The following FHIT variants were observed in gnomAD, a reference collection of about 807,000 sequenced individuals.
FHIT encodes bis(5'-adenosyl)-triphosphatase.
Under a neutral mutation model 17.9 loss-of-function variants are expected in FHIT, and 19 were observed. The observed-to-expected ratio is 1.06, with a 90% confidence interval of 0.74 to 1.56. The LOEUF (loss-of-function observed/expected upper bound fraction) is 1.56. Ranked by LOEUF, FHIT falls within the 40% of genes most tolerant of loss-of-function variation. The pLI is 0.00. For synonymous variants in FHIT, 81 were observed against 69.7 expected (o/e 1.16, Z -0.81); for missense variants, 248 against 189.2 (o/e 1.31, Z -1.82).
intron 3 of FHIT, among the ~76,000 whole-genome samples, chr3:60,965,993 G>A (rs1553783196): frequency 6.6e-6 from 1 of 152,332 alleles, no homozygotes. Flanking sequence ...TAAGTCTGCA[G>A]AAGTTTCTGC....
At chr3:60,454,371 T>C (rs942228036) in intron 5 of FHIT, among the ~76,000 whole-genome samples, 5 of 151,998 alleles carry the variant, frequency 3.3e-5, no homozygotes, top group African/African-American at 7.3e-5. Context: ...AAAGTCATTA[T>C]TTTTTAACCA....
intron 8 of FHIT, among the ~76,000 whole-genome samples, chr3:59,855,762 T>C (rs895418992): frequency 1.3e-5 from 2 of 151,614 alleles, no homozygotes; most frequent in Non-Finnish European, 1.5e-5. Flanking sequence ...TTTGATAAAA[T>C]AATTAATAGA....
intron 3 of FHIT, among the ~76,000 whole-genome samples, chr3:60,919,008 A>G (rs928817066): frequency 2.6e-5 from 4 of 152,186 alleles, no homozygotes; most frequent in Non-Finnish European, 5.9e-5. Context: ...GAGTTGCTTT[A>G]ATGGCAGTCA....
intron 5 of FHIT, among the ~76,000 whole-genome samples, chr3:60,040,417 T>TA (rs1224032868): frequency 7.2e-5 from 11 of 152,172 alleles, no homozygotes; most frequent in Admixed American, 1.3e-4. Flanking sequence ...GTGCTGGGAT[T>TA]ACAGGCATGA....
chr3:60,347,681 G>A (rs1479542575), intron 5 of FHIT, among the ~76,000 whole-genome samples: 1 of 144,606 alleles, frequency 6.9e-6, no homozygotes, highest in East Asian at 2.1e-4. Context: ...GGTTTGGGGG[G>A]GGGGGGGGTT....
intron 7 of FHIT, among the ~76,000 whole-genome samples, chr3:60,009,450 G>A (rs975389345): frequency 6.6e-6 from 1 of 151,986 alleles, no homozygotes; most frequent in African/African-American, 2.4e-5. Flanking sequence ...TCATATATAA[G>A]TACTATATGT....
intron 2 of FHIT, among the ~76,000 whole-genome samples, chr3:61,105,458 T>C (rs528494099): frequency 6.6e-6 from 1 of 152,274 alleles, no homozygotes; most frequent in East Asian, 1.9e-4. Context: ...TACTTTCTAT[T>C]TATGGTCAGT....
chr3:59,796,689 T>C (rs969393182), intron 8 of FHIT, among the ~76,000 whole-genome samples: 1 of 152,198 alleles, frequency 6.6e-6, no homozygotes, highest in African/African-American at 2.4e-5. Flanking sequence ...TCAATTTCTA[T>C]GTCAGTTCAC....
At chr3:60,699,662 A>C (rs1206699791) in intron 4 of FHIT, among the ~76,000 whole-genome samples, 1 of 139,364 alleles carries the variant, frequency 7.2e-6, no homozygotes, top group Non-Finnish European at 1.5e-5. Flanking sequence ...CACAATGTGC[A>C]CATGTACCCT....
chr3:60,659,839 T>C (rs2040199446), intron 4 of FHIT, among the ~76,000 whole-genome samples: 1 of 152,210 alleles, frequency 6.6e-6, no homozygotes, highest in African/African-American at 2.4e-5. Flanking sequence ...TTTTATGTGC[T>C]GTGATTTTGT....
At chr3:60,687,449 T>A (rs977641753) in intron 4 of FHIT, among the ~76,000 whole-genome samples, 1 of 152,260 alleles carries the variant, frequency 6.6e-6, no homozygotes, top group South Asian at 2.1e-4. Flanking sequence ...TTATCATTAT[T>A]TCTCTTTTCC....
chr3:60,158,961 C>T (rs921793379), intron 5 of FHIT, among the ~76,000 whole-genome samples: 1 of 152,134 alleles, frequency 6.6e-6, no homozygotes, highest in Non-Finnish European at 1.5e-5. Context: ...CCCAACTTCA[C>T]CTCCAAGTGT....
chr3:60,624,301 T>C (rs1553679963), intron 4 of FHIT, among the ~76,000 whole-genome samples: 2 of 152,296 alleles, frequency 1.3e-5, no homozygotes, highest in East Asian at 3.9e-4. Context: ...CTGAGCAGCT[T>C]GGGCTTCAAC....
At chr3:60,741,044 T>C (rs2042229784) in intron 4 of FHIT, among the ~76,000 whole-genome samples, 1 of 152,218 alleles carries the variant, frequency 6.6e-6, no homozygotes, top group East Asian at 1.9e-4. Context: ...TCCAGGGACA[T>C]ATATATTTTG....
At position 60,131,653 on chromosome 3, in the gene FHIT, G is replaced by A. The variant is rs189216854; in HGVS notation, c.104-117501C>T. 7.9e-5 allele frequency among the ~76,000 whole-genome samples: 12 copies of A among 152,110 alleles called. No individual in the cohort carries two copies. The East Asian group carries it at 2.3e-3, about 29-fold the overall frequency. On this transcript the variant is annotated intron_variant, in intron 5 of 9. Coordinates refer to ENST00000492590, the MANE Select transcript of FHIT (RefSeq NM_002012.4). ...GTCTCCTTCTCTTTTGCCTAAGAAGGCCCTTTTGATTTCTCTTTCAATCCT... is the reference window on the plus strand; with the variant it reads ...GTCTCCTTCTCTTTTGCCTAAGAAGACCCTTTTGATTTCTCTTTCAATCCT...
At chr3:61,205,814 T>A (rs1319698482) in intron 1 of FHIT, among the ~76,000 whole-genome samples, 1 of 151,732 alleles carries the variant, frequency 6.6e-6, no homozygotes, top group Non-Finnish European at 1.5e-5. Flanking sequence ...CAGAAGTGCT[T>A]TAGTTTAATT....
intron 2 of FHIT, among the ~76,000 whole-genome samples, chr3:61,132,827 A>G (rs2106961127): frequency 6.6e-6 from 1 of 152,326 alleles, no homozygotes; most frequent in African/African-American, 2.4e-5. Flanking sequence ...CAAGGGAGCT[A>G]TCGATGGTTT....
At chr3:59,801,913 C>T (rs2106982956) in intron 8 of FHIT, among the ~76,000 whole-genome samples, 1 of 152,314 alleles carries the variant, frequency 6.6e-6, no homozygotes, top group African/African-American at 2.4e-5. Context: ...ACCTCAAAGT[C>T]CCTAGGTCCA....
chr3:60,877,135 A>C (rs368161567), intron 3 of FHIT, among the ~76,000 whole-genome samples: 9 of 152,192 alleles, frequency 5.9e-5, no homozygotes, highest in African/African-American at 2.2e-4. Flanking sequence ...GAAGGAACTA[A>C]TACTGTGCTC....
Sources: allele counts gnomAD v4.1 joint callset (sites outside exome capture counted in the v4.1 genomes callset), GRCh38; gene constraint gnomAD v4.1.1; transcripts MANE v1.5; gene names NCBI Gene and HGNC (gene_info 2026-07-23, HGNC 2026-07-21).